ATP2C2: variants seen among roughly 807,000 people sequenced by gnomAD.
ATP2C2 encodes the protein calcium-transporting ATPase type 2C member 2.
In ATP2C2, 171 loss-of-function variants were observed where a neutral mutation model predicts 110.8. The ratio of observed to expected loss-of-function variants is 1.54; its 90% CI spans 1.36 to 1.75. The LOEUF (loss-of-function observed/expected upper bound fraction) is 1.75. Among genes scored for constraint, ATP2C2 ranks in the 40% most tolerant of loss-of-function variants. The pLI, the probability that ATP2C2 is intolerant of heterozygous loss-of-function variation, is 0.00. For synonymous variants in ATP2C2, 804 were observed against 508.4 expected (o/e 1.58, Z -7.82); for missense variants, 1,963 against 1,235.0 (o/e 1.59, Z -8.84).
rs373471007 is a variant in ATP2C2 at position 84,410,580 on chromosome 16, G to C, written c.430G>C (p.Val144Leu). Residue 144 changes from valine to leucine, a missense_variant, in exon 5 of 27, where the codon GTG becomes CTG. Coordinates refer to ENST00000262429, the MANE Select transcript of ATP2C2 (RefSeq NM_014861.4). The part of the protein sequence containing the change: ...AVSIATAVLV[V>L]VTVAFIQEYR... ...GTTTGCTGTCTAGGCAGTGCTTGTC[G>C]TGGTCACTGTCGCCTTCATCCAGGT... The C allele has an allele frequency of 3.1e-6, 5 of 1,614,024 alleles. No homozygotes were observed. Among genetic ancestry groups the C allele is most frequent in the Admixed American group, 3.3e-5 (2 of 60,016 alleles).
intron 23 of ATP2C2, chr16:84,459,867 A>T (rs2150596886): frequency 2.7e-6 from 1 of 371,660 alleles, no homozygotes; most frequent in African/African-American, 2.1e-5. Context: ...TGATGTCTAG[A>T]GATAAAGGGC....
chr16:84,404,296 T>C (rs1905557085), intron 2 of ATP2C2: 1 of 153,596 alleles, frequency 6.5e-6, no homozygotes, highest in African/African-American at 2.4e-5. Context: ...TCCAGTATTC[T>C]TTTCATCTTG....
intron 10 of ATP2C2, among the ~76,000 whole-genome samples, 183 bp downstream of exon 10, chr16:84,423,446 T>C (rs965069986): frequency 6.6e-6 from 1 of 152,226 alleles, no homozygotes; most frequent in Non-Finnish European, 1.5e-5. Flanking sequence ...CTGGCTGCTG[T>C]AACAAGCAGC....
Position 84,368,553 on chromosome 16 carries a change from G to T in ATP2C2, c.-63G>T. 1 of 1,322,546 alleles carries T rather than the reference G, an allele frequency of 7.6e-7. No homozygotes were observed. The highest frequency in any genetic ancestry group is 1.3e-5 in the South Asian group (1 of 78,180). 81.9% of individuals were successfully genotyped at this position (1,322,546 alleles called of 1,614,324 possible). ...GGTCCGGCCCAGGAGGCTTGGGCGC[G>T]CGCAGCCATCCCGGGCCTCGCCGGG... On this transcript the variant is annotated 5_prime_UTR_variant, in exon 1 of 27. Transcript: ENST00000262429.
intron 6 of ATP2C2, among the ~76,000 whole-genome samples, chr16:84,414,583 A>G (rs1006547859): frequency 6.6e-6 from 1 of 152,192 alleles, no homozygotes; most frequent in African/African-American, 2.4e-5. Flanking sequence ...ACCTAAGCCA[A>G]TCAAGGGCAG....
chr16:84,421,276 C>T (rs571166011), intron 7 of ATP2C2, among the ~76,000 whole-genome samples: 2 of 152,332 alleles, frequency 1.3e-5, no homozygotes, highest in East Asian at 1.9e-4. Context: ...CCGGAGGCCT[C>T]GCCTCCCTGA....
intron 6 of ATP2C2, among the ~76,000 whole-genome samples, chr16:84,412,781 G>T (rs1906492567): frequency 1.4e-5 from 2 of 146,774 alleles, no homozygotes; most frequent in Admixed American, 6.8e-5. Flanking sequence ...AACATACCTG[G>T]CTGCTCAAAG....
intron 2 of ATP2C2, among the ~76,000 whole-genome samples, chr16:84,401,071 G>T (rs1342252241): frequency 6.6e-6 from 1 of 152,044 alleles, no homozygotes; most frequent in African/African-American, 2.4e-5. Context: ...CTTTTAACTT[G>T]ATGTGATTCC....
At position 84,448,664 on chromosome 16, in the gene ATP2C2, G is replaced by C. The variant is rs368977624; in HGVS notation, c.1635G>C (p.Lys545Asn). ...QQRSFCLQEE[K>N]RMGSLGLRVL... ...GGTCATTCTGCCTGCAGGAAGAGAA[G>C]AGGATGGGGTCGCTCGGTTTGCGGG... Residue 545 changes from lysine (K) to asparagine (N), a missense_variant, in exon 17 of 27, where the codon AAG becomes AAC. Transcript: ENST00000262429. 1.2e-6 allele frequency: 2 copies of C among 1,613,894 alleles called. No individual in the cohort carries two copies. The highest frequency in any genetic ancestry group is 8.5e-7 in the Non-Finnish European group (1 of 1,179,908).
chr16:84,443,189 A>G (rs565340691), intron 15 of ATP2C2, among the ~76,000 whole-genome samples: 1 of 152,216 alleles, frequency 6.6e-6, no homozygotes, highest in South Asian at 2.1e-4. Flanking sequence ...AGGTGACAGG[A>G]AAGCAAGGAG....
intron 11 of ATP2C2, among the ~76,000 whole-genome samples, chr16:84,428,793 A>T (rs368508881): frequency 2.6e-5 from 4 of 152,222 alleles, no homozygotes; most frequent in African/African-American, 7.2e-5. Context: ...AAAGAAGAAC[A>T]AGAAAAAAAG....
chr16:84,439,239 A>G lies in ATP2C2; in HGVS notation c.1060A>G (p.Met354Val). ...GACGCTGGTCCTGGGAGTGCTGCGGATGGCCAAGAAGCGGGTCATCGTGAA... is the reference window on the plus strand; with the variant it reads ...GACGCTGGTCCTGGGAGTGCTGCGGGTGGCCAAGAAGCGGGTCATCGTGAA... ...MVTLVLGVLRMAKKRVIVKKL... is the reference protein window; with the variant it reads ...MVTLVLGVLRVAKKRVIVKKL... The change falls in exon 12 of 27, where the codon ATG (methionine) becomes GTG (valine). Residue 354 changes from methionine (M) to valine (V), a missense_variant. By Grantham distance (21) the Met-to-Val change is conservative. Transcript: ENST00000262429. 6.2e-7 allele frequency: 1 copy of G among 1,612,284 alleles called. No individual in the cohort carries two copies. Among genetic ancestry groups the G allele is most frequent in the Non-Finnish European group, 8.5e-7 (1 of 1,180,018 alleles).
At chr16:84,400,475 T>C (rs1905251092) in intron 2 of ATP2C2, among the ~76,000 whole-genome samples, 1 of 152,056 alleles carries the variant, frequency 6.6e-6, no homozygotes. Context: ...TACAGGCGCC[T>C]GCCACCATGC....
rs1051133379 is a variant in ATP2C2 at position 84,396,448 on chromosome 16, G to A, written c.100-2051G>A. On this transcript the variant is annotated intron_variant, in intron 1 of 26. Transcript: ENST00000262429. ...GCCTGTAGTCCCAGCTACTGGGGAG[G>A]GTGAGGCAGGAGACTCGCTTGAACC... is the stretch of plus-strand genomic sequence containing the variant. Among the ~76,000 whole-genome samples, 13 of 151,516 alleles carry A rather than the reference G, an allele frequency of 8.6e-5. No homozygotes were observed. In the South Asian group the frequency reaches 1.5e-3, roughly 17 times the overall value.
intron 6 of ATP2C2, among the ~76,000 whole-genome samples, chr16:84,414,707 A>G (rs1906679077): frequency 6.6e-6 from 1 of 152,158 alleles, no homozygotes; most frequent in African/African-American, 2.4e-5. Flanking sequence ...CTGCTCCTGC[A>G]TTTGAGGTCT....
chr16:84,423,301 G>A lies in ATP2C2; in HGVS notation c.919+38G>A, dbSNP rs752905350. On this transcript the variant is annotated intron_variant, in intron 10 of 26. Coordinates refer to ENST00000262429, the MANE Select transcript of ATP2C2 (RefSeq NM_014861.4). The stretch of plus-strand genomic sequence containing the variant: ...GTTTCCATACTGGGTTTGTTCTGCA[G>A]ATGGAGGGGAGCCATCATAGGGGGG... The A allele has an allele frequency of 2.5e-6, 4 of 1,579,902 alleles. No individual in the cohort carries two copies. In the East Asian group the frequency reaches 6.7e-5, roughly 26 times the overall value.
intron 26 of ATP2C2, among the ~76,000 whole-genome samples, chr16:84,463,209 GTCGCTGGGAATTCATCCCAGGGAACAT>G (rs558859634): frequency 0.33 from 15,263 of 45,668 alleles, 1,072 homozygotes; most frequent in Non-Finnish European, 0.37. Flanking sequence ...CAGGGAACAT[GTCGCTGGGAATTCATCCCAGGGAACAT>G]GTCGGGGTGC....
At chr16:84,441,070 C>G in intron 14 of ATP2C2, 112 bp downstream of exon 14, 1 of 925,650 alleles carries the variant, frequency 1.1e-6, no homozygotes, top group Non-Finnish European at 1.7e-6. Flanking sequence ...CAATGACTGG[C>G]CCATCCAGGG....
At chr16:84,398,136 C>T (rs932756566) in intron 1 of ATP2C2, among the ~76,000 whole-genome samples, 2 of 151,500 alleles carry the variant, frequency 1.3e-5, no homozygotes, top group African/African-American at 2.5e-5. Context: ...GGCGCAGTGG[C>T]TCCACCTTTA....
Sources: gnomAD v4.1 joint callset for allele counts (sites outside exome capture counted in the v4.1 genomes callset) on GRCh38, gnomAD v4.1.1 for gene constraint, MANE v1.5 for transcripts, NCBI Gene and HGNC (gene_info 2026-07-23, HGNC 2026-07-21) for gene names.